The following BTNL8 variants were observed in gnomAD, a reference collection of about 807,000 sequenced individuals.
The protein encoded by BTNL8 is butyrophilin like 8.
Under a neutral mutation model 36.1 loss-of-function variants are expected in BTNL8, and 22 were observed. The observed-to-expected ratio is 0.61, with a 90% confidence interval of 0.44 to 0.87. The LOEUF (loss-of-function observed/expected upper bound fraction) is 0.87. Ranked by LOEUF, BTNL8 falls within the 40% of genes least tolerant of loss-of-function variation. The pLI, the probability that BTNL8 is intolerant of heterozygous loss-of-function variation, is 0.00. For missense variants in BTNL8, 526 were observed against 616.9 expected (o/e 0.85, Z 1.56); for synonymous variants, 203 against 235.6 (o/e 0.86, Z 1.27).
chr5:180,933,509 A>T (rs1758504159), intron 3 of BTNL8, among the ~76,000 whole-genome samples: 1 of 152,220 alleles, frequency 6.6e-6, no homozygotes, highest in African/African-American at 2.4e-5. Context: ...ACAGGCAAAT[A>T]TGTGGAAATT....
intron 3 of BTNL8, among the ~76,000 whole-genome samples, chr5:180,926,135 C>T (rs1412721095): frequency 6.6e-6 from 1 of 152,084 alleles, no homozygotes; most frequent in East Asian, 1.9e-4. Context: ...TGGCTCATCT[C>T]ATTGGGACTG....
intron 3 of BTNL8, among the ~76,000 whole-genome samples, chr5:180,916,189 C>G (rs1332627122): frequency 6.6e-6 from 1 of 152,166 alleles, no homozygotes; most frequent in Non-Finnish European, 1.5e-5. Flanking sequence ...ATCCTCATGG[C>G]CTTGTCACCT....
chr5:180,923,122 G>T (rs554399644), intron 3 of BTNL8, among the ~76,000 whole-genome samples: 1 of 152,070 alleles, frequency 6.6e-6, no homozygotes, highest in African/African-American at 2.4e-5. Flanking sequence ...ATACCATTTG[G>T]TCTTGTTTCT....
intron 1 of BTNL8, among the ~76,000 whole-genome samples, chr5:180,907,833 G>T (rs1471336813): frequency 6.6e-6 from 1 of 151,164 alleles, no homozygotes; most frequent in African/African-American, 2.4e-5. Flanking sequence ...GGCTGCTCGG[G>T]GGTCAGGGGT....
At chr5:180,926,023 C>T (rs1216025273) in intron 3 of BTNL8, among the ~76,000 whole-genome samples, 11 of 152,172 alleles carry the variant, frequency 7.2e-5, no homozygotes, top group African/African-American at 2.4e-4. Flanking sequence ...CCACAGCAGG[C>T]GGTGGCTGGC....
At chr5:180,936,788 A>G (rs1262528568) in intron 3 of BTNL8, among the ~76,000 whole-genome samples, 1 of 152,168 alleles carries the variant, frequency 6.6e-6, no homozygotes, top group African/African-American at 2.4e-5. Flanking sequence ...TGCCTGCCAC[A>G]TGTGACTCCA....
intron 1 of BTNL8, among the ~76,000 whole-genome samples, chr5:180,904,321 CTG>C (rs1756975816): frequency 8.9e-6 from 1 of 112,022 alleles, no homozygotes; most frequent in Non-Finnish European, 1.7e-5. Flanking sequence ...ATTTGGCTCT[CTG>C]TTTGTCTGTT....
intron 3 of BTNL8, among the ~76,000 whole-genome samples, chr5:180,941,155 GAGAA>G (rs1758928355): frequency 1.0e-5 from 1 of 95,796 alleles, no homozygotes; most frequent in Non-Finnish European, 2.3e-5. Context: ...GAAGGAAGGA[GAGAA>G]AGAAAGAACT....
At chr5:180,905,005 TG>T in intron 1 of BTNL8, among the ~76,000 whole-genome samples, 1 of 151,180 alleles carries the variant, frequency 6.6e-6, no homozygotes, top group East Asian at 2.0e-4. Flanking sequence ...GTTGTGTCTC[TG>T]CCTGGCTTTG....
At chr5:180,905,312 A>G (rs1461034121) in intron 1 of BTNL8, among the ~76,000 whole-genome samples, 2 of 149,378 alleles carry the variant, frequency 1.3e-5, no homozygotes, top group Non-Finnish European at 3.0e-5. Context: ...GTTTATTTGC[A>G]TAGAGGTGTT....
intron 3 of BTNL8, among the ~76,000 whole-genome samples, chr5:180,913,010 G>C (rs539309245): frequency 6.6e-6 from 1 of 152,226 alleles, no homozygotes; most frequent in East Asian, 1.9e-4. Flanking sequence ...TAGCCACAGG[G>C]CTAAGATTGC....
In BTNL8 at chr5:180,908,927, G is replaced by A. The variant is rs1359109204; in HGVS notation, c.391G>A (p.Val131Met). The A allele has an allele frequency of 1.2e-6, 2 of 1,611,146 alleles. No homozygotes were observed. Among genetic ancestry groups the A allele is most frequent in the South Asian group, 1.1e-5 (1 of 90,990 alleles). Residue 131 changes from valine (V) to methionine (M), a missense_variant, in exon 2 of 8, where the codon GTG becomes ATG. Physicochemically the swap from Val to Met is conservative, Grantham distance 21 (BLOSUM62 1). Coordinates refer to ENST00000340184, the MANE Select transcript of BTNL8 (RefSeq NM_001040462.3). ...CCAGAAGGCCATCTGGGAGCTACAG[G>A]TGTCAGGTCAGTTTCATATTTCATA... ...YYQKAIWELQ[V>M]SALGSVPLIS...
At chr5:180,912,427 G>GTA (rs3029603) in intron 3 of BTNL8, among the ~76,000 whole-genome samples, 6,616 of 150,080 alleles carry the variant, frequency 0.044, 191 homozygotes, top group South Asian at 0.084. Flanking sequence ...ACAACAGGAT[G>GTA]TATATATATA....
intron 1 of BTNL8, among the ~76,000 whole-genome samples, chr5:180,905,715 T>C (rs1355963705): frequency 7.5e-5 from 10 of 133,734 alleles, no homozygotes; most frequent in Non-Finnish European, 1.4e-4. Context: ...CCAGAGATTC[T>C]GGTATGTTGT....
chr5:180,916,878 T>C (rs1452756495), intron 3 of BTNL8, among the ~76,000 whole-genome samples: 1 of 152,252 alleles, frequency 6.6e-6, no homozygotes, highest in African/African-American at 2.4e-5. Flanking sequence ...ATGAAATTTT[T>C]CATTCAATAT....
intron 3 of BTNL8, among the ~76,000 whole-genome samples, chr5:180,941,644 T>C (rs1019367599): frequency 6.6e-6 from 1 of 152,182 alleles, no homozygotes; most frequent in Non-Finnish European, 1.5e-5. Flanking sequence ...TGGTTCAACA[T>C]ATGGAAATCA....
At chr5:180,942,739 A>G (rs1366106162) in intron 3 of BTNL8, among the ~76,000 whole-genome samples, 1 of 151,948 alleles carries the variant, frequency 6.6e-6, no homozygotes, top group Non-Finnish European at 1.5e-5. Flanking sequence ...ATCAATATGC[A>G]GAAGAATGAA....
At chr5:180,943,419 C>T (rs112625595) in intron 3 of BTNL8, among the ~76,000 whole-genome samples, 20,793 of 151,948 alleles carry the variant, frequency 0.14, 1,448 homozygotes, top group Admixed American at 0.17. Flanking sequence ...CATGAGCCAC[C>T]GTGCCTGGCC....
intron 1 of BTNL8, chr5:180,902,439 G>A: frequency 6.5e-7 from 1 of 1,531,238 alleles, no homozygotes. Flanking sequence ...TTAGAAATAG[G>A]ATTGTGATGA....
Sources: allele counts gnomAD v4.1 joint callset (sites outside exome capture counted in the v4.1 genomes callset), GRCh38; gene constraint gnomAD v4.1.1; transcripts MANE v1.5; gene names NCBI Gene and HGNC (gene_info 2026-07-23, HGNC 2026-07-21).